KCNJ6: variants seen among roughly 807,000 people sequenced by gnomAD.
The protein encoded by KCNJ6 is G protein-activated inward rectifier potassium channel 2.
Under a neutral mutation model 34.2 loss-of-function variants are expected in KCNJ6, and 9 were observed. The ratio of observed to expected loss-of-function variants is 0.26; its 90% CI spans 0.16 to 0.46. KCNJ6 has a LOEUF of 0.46. Among genes scored for constraint, KCNJ6 ranks in the 20% least tolerant of loss-of-function variants. KCNJ6 has a pLI of 1.00. For synonymous variants in KCNJ6, 196 were observed against 207.1 expected (o/e 0.95, Z 0.46); for missense variants, 236 against 531.3 (o/e 0.44, Z 5.46).
intron 3 of KCNJ6, among the ~76,000 whole-genome samples, chr21:37,679,476 C>G (rs147707376): frequency 6.6e-6 from 1 of 152,282 alleles, no homozygotes; most frequent in Non-Finnish European, 1.5e-5. Flanking sequence ...TGAGTTAATA[C>G]GTGTGAAACA....
At chr21:37,734,347 G>A (rs1400416577) in intron 2 of KCNJ6, among the ~76,000 whole-genome samples, 1 of 152,106 alleles carries the variant, frequency 6.6e-6, no homozygotes, top group Non-Finnish European at 1.5e-5. Context: ...GCAAAGTGGA[G>A]ATTGTGCAGA....
intron 1 of KCNJ6, among the ~76,000 whole-genome samples, chr21:37,912,913 C>G (rs1250255057): frequency 6.6e-6 from 1 of 152,186 alleles, no homozygotes; most frequent in Non-Finnish European, 1.5e-5. Flanking sequence ...AATAACAAAC[C>G]AGAACCAGCT....
At position 37,675,394 on chromosome 21, in the gene KCNJ6, C is replaced by T. The variant is rs2054560225; in HGVS notation, c.946+38817G>A. On this transcript the variant is annotated intron_variant, in intron 3 of 3. Transcript: ENST00000609713. The surrounding 1 kb of genome is among the most constrained non-coding windows in gnomAD (Gnocchi z 4.2). ...GCCGGGCTGGGCAGCCGACGCACCG[C>T]TAGGTGGCGCACGCGCTCGCTGCGT... Among the ~76,000 whole-genome samples, 1 of 152,234 alleles carries T rather than the reference C, an allele frequency of 6.6e-6. No homozygotes were observed. The highest frequency in any genetic ancestry group is 6.5e-5 in the Admixed American group (1 of 15,288).
intron 3 of KCNJ6, among the ~76,000 whole-genome samples, chr21:37,643,748 T>C (rs2054391634): frequency 1.3e-5 from 2 of 152,210 alleles, no homozygotes; most frequent in African/African-American, 4.8e-5. Context: ...CACATTTGCA[T>C]CTGGGCAATT....
chr21:37,813,047 G>A (rs2055330438), intron 2 of KCNJ6, among the ~76,000 whole-genome samples: 1 of 152,112 alleles, frequency 6.6e-6, no homozygotes, highest in Non-Finnish European at 1.5e-5. Context: ...TATTAGAATT[G>A]ATAAACAAAT....
intron 1 of KCNJ6, among the ~76,000 whole-genome samples, chr21:37,880,713 A>G (rs546624875): frequency 1.2e-4 from 19 of 152,228 alleles, no homozygotes; most frequent in Non-Finnish European, 2.5e-4. Context: ...TACATTTAGG[A>G]AATTTTGGGA....
chr21:37,914,636 C>G (rs1446597320), intron 1 of KCNJ6, among the ~76,000 whole-genome samples: 1 of 152,228 alleles, frequency 6.6e-6, no homozygotes, highest in Non-Finnish European at 1.5e-5. Context: ...CATGGAGACT[C>G]GAGCTCTTTT....
At chr21:37,696,943 T>A (rs1231137942) in intron 3 of KCNJ6, among the ~76,000 whole-genome samples, 3 of 152,198 alleles carry the variant, frequency 2.0e-5, no homozygotes, top group African/African-American at 4.8e-5. Context: ...ATCAATTTCA[T>A]GATCTGAAAT....
chr21:37,729,447 C>A (rs1171074791), intron 2 of KCNJ6, among the ~76,000 whole-genome samples: 1 of 152,124 alleles, frequency 6.6e-6, no homozygotes, highest in Middle Eastern at 3.2e-3. Context: ...CCTCAGCCCC[C>A]TAAGTAGCTG....
intron 3 of KCNJ6, among the ~76,000 whole-genome samples, chr21:37,636,785 G>A (rs2054359873): frequency 6.6e-6 from 1 of 152,216 alleles, no homozygotes; most frequent in African/African-American, 2.4e-5. Flanking sequence ...GGAGAAGTTT[G>A]TGTGCAGAAT....
At chr21:37,885,727 C>T (rs895422359) in intron 1 of KCNJ6, among the ~76,000 whole-genome samples, 3 of 152,174 alleles carry the variant, frequency 2.0e-5, no homozygotes, top group Admixed American at 1.3e-4. Flanking sequence ...CGTGAGTTTG[C>T]AAGAGGACCC....
intron 1 of KCNJ6, among the ~76,000 whole-genome samples, chr21:37,891,814 G>C (rs889311795): frequency 2.0e-5 from 3 of 152,170 alleles, no homozygotes; most frequent in Non-Finnish European, 4.4e-5. Flanking sequence ...TCTTGCAGCT[G>C]CTGTTCCTGT....
Position 37,840,727 on chromosome 21 carries a change from AG to A in KCNJ6, c.-27-19del, listed in dbSNP as rs2055476298. Reference sequence around the variant, plus strand: ...TGCTTTTCCTGGAGGTGAGAAGAAAAGACAATTATCTGTAAAACATGTCTTA... The same window carrying A: ...TGCTTTTCCTGGAGGTGAGAAGAAAAACAATTATCTGTAAAACATGTCTTA... On this transcript the variant is annotated intron_variant, in intron 1 of 3. Coordinates refer to ENST00000609713, the MANE Select transcript of KCNJ6 (RefSeq NM_002240.5). The A allele has an allele frequency of 1.4e-6, 2 of 1,412,302 alleles. No individual in the cohort carries two copies. The highest frequency in any genetic ancestry group is 2.0e-6 in the Non-Finnish European group (2 of 1,003,422). 87.5% of individuals were successfully genotyped at this position (1,412,302 alleles called of 1,614,324 possible).
rs1400709072 is a variant in KCNJ6 at position 37,624,129 on chromosome 21, A to G, written c.*1030T>C. The G allele has an allele frequency of 6.6e-6, 1 of 152,236 alleles. No homozygotes were observed. The highest frequency in any genetic ancestry group is 2.4e-5 in the African/African-American group (1 of 41,450). The allele number at this position is 152,236 out of a possible 1,614,324, so 9.4% of individuals were successfully genotyped here. A position where few individuals can be genotyped will look rare whatever the true frequency, so the allele number is the denominator to read the frequency against. On this transcript the variant is annotated 3_prime_UTR_variant, in exon 4 of 4. Transcript: ENST00000609713. The stretch of plus-strand genomic sequence containing the variant: ...AAAAACATACCTTTGGTGACAGGCT[A>G]GAGAATATTTCCTTCCTGGTATTCC...
chr21:37,705,363 A>G (rs2054714125), intron 3 of KCNJ6, among the ~76,000 whole-genome samples: 1 of 152,214 alleles, frequency 6.6e-6, no homozygotes, highest in Non-Finnish European at 1.5e-5. Flanking sequence ...TGCAAGAGCC[A>G]ACTTCCTCAT....
chr21:37,711,779 C>T (rs2054753727), intron 3 of KCNJ6, among the ~76,000 whole-genome samples: 3 of 149,738 alleles, frequency 2.0e-5, no homozygotes, highest in South Asian at 2.1e-4. Flanking sequence ...TTTCCAGACA[C>T]CTCCAGAACT....
chr21:37,674,652 G>A (rs1219428705), intron 3 of KCNJ6, among the ~76,000 whole-genome samples: 1 of 151,320 alleles, frequency 6.6e-6, no homozygotes, highest in Non-Finnish European at 1.5e-5. Context: ...CACCCAGGAT[G>A]GATCTAGTAT....
At chr21:37,873,161 T>C (rs1034748376) in intron 1 of KCNJ6, among the ~76,000 whole-genome samples, 30 of 152,210 alleles carry the variant, frequency 2.0e-4, no homozygotes, top group African/African-American at 7.2e-4. Flanking sequence ...TAATCATTAC[T>C]TGCCAGGCTC....
chr21:37,625,087 A>G lies in KCNJ6; in HGVS notation c.*72T>C. The G allele has an allele frequency of 8.9e-7, 1 of 1,118,622 alleles. No homozygotes were observed. The highest frequency in any genetic ancestry group is 1.6e-5 in the African/African-American group (1 of 64,216). 69.3% of individuals were successfully genotyped at this position (1,118,622 alleles called of 1,614,324 possible). A position where few individuals can be genotyped will look rare whatever the true frequency, so the allele number is the denominator to read the frequency against. ...TAAAGAACAAAGCAAGAGAGACAGAAAAAGAAAGAGAATGAGAGACAAGGA... is the reference window on the plus strand; with the variant it reads ...TAAAGAACAAAGCAAGAGAGACAGAGAAAGAAAGAGAATGAGAGACAAGGA... On this transcript the variant is annotated 3_prime_UTR_variant, in exon 4 of 4. Coordinates refer to ENST00000609713, the MANE Select transcript of KCNJ6 (RefSeq NM_002240.5).
Sources: allele counts gnomAD v4.1 joint callset (sites outside exome capture counted in the v4.1 genomes callset), GRCh38; gene constraint gnomAD v4.1.1; non-coding constraint Gnocchi (gnomAD v3.1); transcripts MANE v1.5; gene names NCBI Gene and HGNC (gene_info 2026-07-23, HGNC 2026-07-21).